The following GABRA6 variants were observed in gnomAD, a reference collection of about 807,000 sequenced individuals.
GABRA6 encodes gamma-aminobutyric acid receptor subunit alpha-6.
GABRA6 carries 45 observed loss-of-function variants against 47.3 expected under a neutral mutation model. That is an observed-to-expected ratio of 0.95 (90% CI 0.75 to 1.22). The LOEUF (loss-of-function observed/expected upper bound fraction) is 1.22. GABRA6 is among the 50% of genes most tolerant of loss of function. The pLI is 0.00. For synonymous variants in GABRA6, 219 were observed against 194.7 expected, an observed-to-expected ratio of 1.12 and a Z score of -1.04; for missense variants, 583 against 549.3, an observed-to-expected ratio of 1.06 and a Z score of -0.61.
chr5:161,686,546 C>T (rs1046200542), intron 2 of GABRA6, among the ~76,000 whole-genome samples, 198 bp downstream of exon 2: 1 of 152,162 alleles, frequency 6.6e-6, no homozygotes, highest in African/African-American at 2.4e-5. Flanking sequence ...CTCTCTAAGC[C>T]TCATTTCCTA....
chr5:161,689,875 C>A, intron 6 of GABRA6, 96 bp downstream of exon 6: 1 of 1,305,464 alleles, frequency 7.7e-7, no homozygotes. Flanking sequence ...CTTAGCCATT[C>A]TCAGCTAAGC....
Position 161,691,948 on chromosome 5 carries a change from C to T in GABRA6, c.834C>T (p.Thr278=). 1.2e-6 allele frequency: 2 copies of T among 1,613,438 alleles called. No individual in the cohort carries two copies. The highest frequency in any genetic ancestry group is 1.1e-5 in the South Asian group (1 of 91,062). ...SVPARTVFGI[T]TVLTMTTLSI... is the part of the protein sequence containing the mutation. Reference sequence around the variant, plus strand: ...TATTCTTTTTTATTTTAGGGATCACCACTGTTTTAACTATGACCACTTTGA... The same window carrying T: ...TATTCTTTTTTATTTTAGGGATCACTACTGTTTTAACTATGACCACTTTGA... Residue 278 remains threonine (T), a synonymous_variant, in exon 8 of 9, where the codon ACC becomes ACT. Transcript: ENST00000274545.
chr5:161,692,611 T>C (rs1303142590), intron 8 of GABRA6, among the ~76,000 whole-genome samples: 1 of 152,240 alleles, frequency 6.6e-6, no homozygotes. Flanking sequence ...CAATTTTTGT[T>C]ATAAATCTGC....
chr5:161,687,249 A>G (rs1050406881), intron 3 of GABRA6: 2 of 518,564 alleles, frequency 3.9e-6, no homozygotes, highest in Admixed American at 3.0e-5. Context: ...TCCACATGCT[A>G]TGCACTAATT....
In GABRA6 at chr5:161,701,685, T is replaced by C. The variant is rs1310119229; in HGVS notation, c.1274T>C (p.Phe425Ser). The part of the protein sequence containing the change: ...SKIDQYSRIL[F>S]PVAFAGFNLV... The stretch of plus-strand genomic sequence containing the variant: ...ATAGACCAGTATTCTCGAATTCTCT[T>C]CCCAGTTGCATTTGCAGGATTCAAC... Residue 425 changes from phenylalanine to serine, a missense_variant, in exon 9 of 9, where the codon TTC becomes TCC. Coordinates refer to ENST00000274545, the MANE Select transcript of GABRA6 (RefSeq NM_000811.3). The C allele has an allele frequency of 1.2e-6, 2 of 1,614,066 alleles. No individual in the cohort carries two copies. Among genetic ancestry groups the C allele is most frequent in the Non-Finnish European group, 8.5e-7 (1 of 1,180,030 alleles).
chr5:161,690,473 C>G, intron 7 of GABRA6, 120 bp downstream of exon 7: 5 of 1,006,994 alleles, frequency 5.0e-6, no homozygotes, highest in Non-Finnish European at 7.7e-6. Context: ...AGGTTCCTGT[C>G]TCATCCAGAC....
intron 6 of GABRA6, 78 bp from the exon 7 acceptor site, chr5:161,690,123 T>A: frequency 7.4e-7 from 1 of 1,347,492 alleles, no homozygotes; most frequent in South Asian, 1.2e-5. Flanking sequence ...ATTTAAAAGT[T>A]GTCAAGATTT....
rs142631368 is a variant in GABRA6, at chr5:161,698,555, CAT to C, written c.1087-2936_1087-2935del. 7.0e-3 allele frequency among the ~76,000 whole-genome samples: 1,071 copies of C among 152,030 alleles called. 15 individuals carry two copies. The highest frequency in any genetic ancestry group is 0.024 in the African/African-American group (1,009 of 41,472). On this transcript the variant is annotated intron_variant, in intron 8 of 8. Transcript: ENST00000274545. Reference sequence around the variant, plus strand: ...ATATGTATATGTGTATATATATACACATATATATGTTTGTGTATATATCTTTA... The same window carrying C: ...ATATGTATATGTGTATATATATACACATATATGTTTGTGTATATATCTTTA...
In GABRA6 at chr5:161,687,003, G is replaced by A. The variant is rs773355346; in HGVS notation, c.225G>A (p.Met75Ile). Residue 75 changes from methionine to isoleucine, a missense_variant and splice_region_variant, in exon 3 of 9, where the codon ATG becomes ATA. By Grantham distance (10) the Met-to-Ile change is conservative. Coordinates refer to ENST00000274545, the MANE Select transcript of GABRA6 (RefSeq NM_000811.3). ...TSFGPVSDVE[M>I]EYTMDVFFRQ... The stretch of plus-strand genomic sequence containing the variant: ...TTGGGCCCGTGTCAGATGTGGAGAT[G>A]GTGAGTAAGTTCTAAGTGAGTTGGG... The A allele has an allele frequency of 6.2e-7, 1 of 1,613,640 alleles. No homozygotes were observed. Among genetic ancestry groups the A allele is most frequent in the South Asian group, 1.1e-5 (1 of 91,074 alleles).
intron 8 of GABRA6, among the ~76,000 whole-genome samples, chr5:161,694,309 G>GA (rs201591796): frequency 0.18 from 23,165 of 132,370 alleles, 2,252 homozygotes; most frequent in South Asian, 0.4. Flanking sequence ...TAGTAAGAGT[G>GA]AAAAAAAAAA....
At position 161,702,308 on chromosome 5, in the gene GABRA6, C is replaced by A. The variant is rs1410062261; in HGVS notation, c.*535C>A. On this transcript the variant is annotated 3_prime_UTR_variant, in exon 9 of 9. Transcript: ENST00000274545. ...ATTGAGCTTAGCCATTTGTTTTTAA[C>A]CTCGCTGTGCTCTTTTACCTCAATA... The A allele has an allele frequency of 6.2e-6, 1 of 160,566 alleles. No homozygotes were observed. The highest frequency in any genetic ancestry group is 2.4e-5 in the African/African-American group (1 of 41,460). 9.9% of individuals were successfully genotyped at this position (160,566 alleles called of 1,614,324 possible).
rs1754692551 is a variant in GABRA6, at chr5:161,686,350, TAAGAAG to T, written c.157+3_157+8del. ...ATCGGCTGCGGCCGGGATTTGGAGG[TAAGAAG>T]CTGCATCTTTGCTACACAAACACCT... On this transcript the variant is annotated splice_donor_5th_base_variant and intron_variant, in intron 2 of 8. Transcript: ENST00000274545. The T allele has an allele frequency of 6.2e-7, 1 of 1,605,488 alleles. No individual in the cohort carries two copies. Among genetic ancestry groups the T allele is most frequent in the African/African-American group, 1.3e-5 (1 of 74,756 alleles).
At chr5:161,697,247 G>T (rs1045586668) in intron 8 of GABRA6, among the ~76,000 whole-genome samples, 1 of 152,196 alleles carries the variant, frequency 6.6e-6, no homozygotes, top group Non-Finnish European at 1.5e-5. Context: ...TCTGACAAAA[G>T]CCTATTTTAC....
At chr5:161,687,146 A>C in intron 3 of GABRA6, 143 bp downstream of exon 3, 1 of 737,742 alleles carries the variant, frequency 1.4e-6, no homozygotes. Flanking sequence ...GGGCATGACC[A>C]TTAGAATGGA....
In GABRA6 at chr5:161,686,985, C is replaced by A; in HGVS notation, c.207C>A (p.Pro69=). 5 of 1,613,808 alleles carry A rather than the reference C, an allele frequency of 3.1e-6. No individual in the cohort carries two copies. Among genetic ancestry groups the A allele is most frequent in the Middle Eastern group, 1.6e-4 (1 of 6,062 alleles). The change falls in exon 3 of 9, where the codon CCC becomes CCA. Residue 69 remains proline, a synonymous_variant. Transcript: ENST00000274545. ...KTDIYVTSFG[P]VSDVEMEYTM... The stretch of plus-strand genomic sequence containing the variant: ...ACATTTATGTGACCAGTTTTGGGCC[C>A]GTGTCAGATGTGGAGATGGTGAGTA...
intron 8 of GABRA6, among the ~76,000 whole-genome samples, chr5:161,694,320 A>AAG (rs1561726185): frequency 6.6e-6 from 1 of 151,458 alleles, no homozygotes; most frequent in East Asian, 1.9e-4. Flanking sequence ...AAAAAAAAAA[A>AAG]GATCGTCAAA....
chr5:161,701,455 T>C (rs781512056), intron 8 of GABRA6, 43 bp from the exon 9 acceptor site: 3 of 1,599,582 alleles, frequency 1.9e-6, no homozygotes, highest in Non-Finnish European at 2.6e-6. Flanking sequence ...TTAAGCAATA[T>C]CTATTCTTTC....
At chr5:161,695,731 T>G (rs1165606859) in intron 8 of GABRA6, among the ~76,000 whole-genome samples, 2 of 152,214 alleles carry the variant, frequency 1.3e-5, no homozygotes, top group African/African-American at 4.8e-5. Flanking sequence ...TTGTAAATTA[T>G]ATAACATAAA....
chr5:161,686,875 T>G, intron 2 of GABRA6, 61 bp from the exon 3 acceptor site: 22 of 1,416,316 alleles, frequency 1.6e-5, no homozygotes, highest in Non-Finnish European at 2.0e-5. Flanking sequence ...GGTAGAGGGC[T>G]GAGATCAATC....
Sources: gnomAD v4.1 joint callset for allele counts (sites outside exome capture counted in the v4.1 genomes callset) on GRCh38, gnomAD v4.1.1 for gene constraint, MANE v1.5 for transcripts, NCBI Gene and HGNC (gene_info 2026-07-23, HGNC 2026-07-21) for gene names.